The following CDK14 variants were observed in gnomAD, a reference collection of about 807,000 sequenced individuals.
CDK14 encodes cyclin dependent kinase 14.
A neutral mutation model predicts 60.7 loss-of-function variants in CDK14; 34 were observed. The ratio of observed to expected loss-of-function variants is 0.56; its 90% CI spans 0.43 to 0.75. CDK14 has a LOEUF of 0.75. CDK14 is among the 30% of genes least tolerant of loss of function. The pLI is 0.00. For missense variants in CDK14, 482 were observed against 564.1 expected, an observed-to-expected ratio of 0.85 and a Z score of 1.47; for synonymous variants, 197 against 203.7, an observed-to-expected ratio of 0.97 and a Z score of 0.28.
At chr7:90,953,377 T>C (rs1369698333) in intron 8 of CDK14, among the ~76,000 whole-genome samples, 14 of 152,206 alleles carry the variant, frequency 9.2e-5, no homozygotes, top group Admixed American at 2.0e-4. Flanking sequence ...TGGGAAGTTA[T>C]GTGGCTCATC....
At chr7:90,921,216 G>A (rs567551426) in intron 8 of CDK14, among the ~76,000 whole-genome samples, 2 of 152,212 alleles carry the variant, frequency 1.3e-5, no homozygotes, top group South Asian at 2.1e-4. Context: ...CTTGTATACT[G>A]TGGTGCAGCC....
At chr7:90,889,889 C>T (rs777121182) in intron 6 of CDK14, among the ~76,000 whole-genome samples, 10 of 152,132 alleles carry the variant, frequency 6.6e-5, no homozygotes, top group Non-Finnish European at 1.3e-4. Context: ...TATGATGCAA[C>T]TTGAGGCATA....
chr7:90,610,820 C>A (rs879313375), intron 2 of CDK14, among the ~76,000 whole-genome samples: 1 of 152,210 alleles, frequency 6.6e-6, no homozygotes, highest in African/African-American at 2.4e-5. Flanking sequence ...TTAATTACAT[C>A]TGTACGACCC....
intron 12 of CDK14, among the ~76,000 whole-genome samples, chr7:91,082,169 CT>C (rs1043615006): frequency 2.6e-5 from 4 of 152,152 alleles, no homozygotes; most frequent in African/African-American, 9.6e-5. Flanking sequence ...CTTAAAAGAT[CT>C]TTTATTATTT....
intron 3 of CDK14, among the ~76,000 whole-genome samples, chr7:90,745,244 T>G (rs1377753022): frequency 2.0e-5 from 3 of 152,196 alleles, no homozygotes; most frequent in Non-Finnish European, 4.4e-5. Flanking sequence ...ATTGAGATAA[T>G]TTTTTGTCTA....
At chr7:91,073,715 TAAAG>T (rs1315989373) in intron 11 of CDK14, among the ~76,000 whole-genome samples, 2 of 150,218 alleles carry the variant, frequency 1.3e-5, no homozygotes, top group African/African-American at 4.9e-5. Context: ...GCAAACTGGA[TAAAG>T]AATCAAAACC....
intron 2 of CDK14, among the ~76,000 whole-genome samples, chr7:90,704,307 A>T (rs911342260): frequency 2.0e-5 from 3 of 152,180 alleles, no homozygotes; most frequent in Non-Finnish European, 4.4e-5. Context: ...TTCATAACAA[A>T]ACATTTTTTC....
intron 10 of CDK14, among the ~76,000 whole-genome samples, chr7:91,005,714 C>T (rs1795964463): frequency 6.6e-6 from 1 of 152,142 alleles, no homozygotes; most frequent in East Asian, 1.9e-4. Context: ...GATAAAATGG[C>T]ACATTTTGGC....
intron 8 of CDK14, among the ~76,000 whole-genome samples, chr7:90,919,424 T>G (rs1793176778): frequency 6.6e-6 from 1 of 152,166 alleles, no homozygotes; most frequent in Non-Finnish European, 1.5e-5. Flanking sequence ...ATCTTTACTT[T>G]AAAACTGACA....
intron 5 of CDK14, among the ~76,000 whole-genome samples, chr7:90,807,730 A>C (rs894154873): frequency 6.6e-6 from 1 of 152,142 alleles, no homozygotes; most frequent in African/African-American, 2.4e-5. Context: ...AAACATAGAC[A>C]AATGGCTCAC....
At chr7:90,743,163 G>A (rs1803421432) in intron 3 of CDK14, among the ~76,000 whole-genome samples, 1 of 151,938 alleles carries the variant, frequency 6.6e-6, no homozygotes, top group Non-Finnish European at 1.5e-5. Flanking sequence ...TTTGGATTAG[G>A]GATTCTAACC....
chr7:90,847,019 T>C (rs1790490915), intron 5 of CDK14, among the ~76,000 whole-genome samples: 1 of 152,162 alleles, frequency 6.6e-6, no homozygotes, highest in Non-Finnish European at 1.5e-5. Flanking sequence ...AGTTTTTGGG[T>C]GGCAAGAATA....
At position 90,668,953 on chromosome 7, in the gene CDK14, A is replaced by G. The variant is rs570358457; in HGVS notation, c.124-57614A>G. ...CACTGTGTTGCTCACACTGGACTCAAATGATCCCTGCTGCTTGGCCTCCCA... is the reference window on the plus strand; with the variant it reads ...CACTGTGTTGCTCACACTGGACTCAGATGATCCCTGCTGCTTGGCCTCCCA... On this transcript the variant is annotated intron_variant, in intron 2 of 14. Coordinates refer to ENST00000380050, the MANE Select transcript of CDK14 (RefSeq NM_001287135.2). Among the ~76,000 whole-genome samples, 4 of 152,066 alleles carry G rather than the reference A, an allele frequency of 2.6e-5. No homozygotes were observed. The East Asian group carries it at 5.8e-4, about 22-fold the overall frequency.
intron 10 of CDK14, among the ~76,000 whole-genome samples, chr7:91,022,778 C>G (rs1006346591): frequency 2.6e-5 from 4 of 152,078 alleles, no homozygotes; most frequent in Non-Finnish European, 5.9e-5. Context: ...AGAAAATGAC[C>G]AGAATGAATC....
intron 6 of CDK14, among the ~76,000 whole-genome samples, chr7:90,865,174 AT>A (rs1389830402): frequency 6.6e-6 from 1 of 151,412 alleles, no homozygotes; most frequent in Non-Finnish European, 1.5e-5. Context: ...GTGAAGTTTG[AT>A]TTTTGTGCAT....
intron 13 of CDK14, among the ~76,000 whole-genome samples, 196 bp downstream of exon 13, chr7:91,112,877 A>AGAG (rs397959715): frequency 6.6e-6 from 1 of 150,740 alleles, no homozygotes; most frequent in Non-Finnish European, 1.5e-5. Context: ...AGAGAGAGAG[A>AGAG]ACAGGGGAAG....
chr7:90,641,682 T>C (rs2116443705), intron 2 of CDK14, among the ~76,000 whole-genome samples: 1 of 101,762 alleles, frequency 9.8e-6, no homozygotes, highest in South Asian at 3.0e-4. Flanking sequence ...GTGGCTCTCT[T>C]TGAGATCATC....
At chr7:90,810,891 TA>T (rs1233918314) in intron 5 of CDK14, among the ~76,000 whole-genome samples, 1 of 151,726 alleles carries the variant, frequency 6.6e-6, no homozygotes, top group African/African-American at 2.4e-5. Context: ...ATAAAATATC[TA>T]GGAATCCAAC....
chr7:90,807,385 A>G (rs543238121), intron 5 of CDK14, among the ~76,000 whole-genome samples: 4 of 152,324 alleles, frequency 2.6e-5, no homozygotes, highest in South Asian at 4.1e-4. Context: ...GCAAACTCCA[A>G]CAGACCTGCA....
Sources: gnomAD v4.1 joint callset for allele counts (sites outside exome capture counted in the v4.1 genomes callset) on GRCh38, gnomAD v4.1.1 for gene constraint, MANE v1.5 for transcripts, NCBI Gene and HGNC (gene_info 2026-07-23, HGNC 2026-07-21) for gene names.